Variants in ZNF236 observed in about 807,000 individuals in gnomAD.
ZNF236 encodes zinc finger protein 236.
A neutral mutation model predicts 191.2 loss-of-function variants in ZNF236; 50 were observed. The observed-to-expected ratio is 0.26, with a 90% CI of 0.21 to 0.33. The LOEUF is 0.33. Among genes scored for constraint, ZNF236 ranks in the 10% least tolerant of loss-of-function variants. The pLI is 1.00. For missense variants in ZNF236, 1,754 were observed against 2,374.5 expected, an observed-to-expected ratio of 0.74 and a Z score of 5.43; for synonymous variants, 907 against 928.8, an observed-to-expected ratio of 0.98 and a Z score of 0.43.
chr18:76,942,844 T>C (rs1051650112), intron 26 of ZNF236, among the ~76,000 whole-genome samples: 2 of 146,632 alleles, frequency 1.4e-5, no homozygotes, highest in African/African-American at 5.0e-5. Context: ...CAAATTTGGC[T>C]GGGTGCAGTG....
At position 76,960,880 on chromosome 18, in the gene ZNF236, C is replaced by G. The variant is rs201407505; in HGVS notation, c.5419+25C>G. The G allele has an allele frequency of 3.8e-6, 6 of 1,592,820 alleles. No individual in the cohort carries two copies. In the African/African-American group the frequency reaches 6.7e-5, roughly 18 times the overall value. ...GGTGAGAATGCTGCACCCGGGAGTGCGTGCTGTTCGGTGGCCTGCGAGGCA... is the reference window on the plus strand; with the variant it reads ...GGTGAGAATGCTGCACCCGGGAGTGGGTGCTGTTCGGTGGCCTGCGAGGCA... On this transcript the variant is annotated intron_variant, in intron 30 of 30. Transcript: ENST00000320610. The surrounding 1 kb of genome is among the most constrained non-coding windows in gnomAD (Gnocchi z 4.4).
chr18:76,940,151 A>AATGACTGTCCT (rs1968100977), intron 26 of ZNF236, among the ~76,000 whole-genome samples: 1 of 98,618 alleles, frequency 1.0e-5, no homozygotes, highest in Non-Finnish European at 2.0e-5. Flanking sequence ...TTGGGAACAC[A>AATGACTGTCCT]GTGGGCTACC....
chr18:76,919,694 AC>A lies in ZNF236; in HGVS notation c.3275-80del. 1 of 1,475,020 alleles carries A rather than the reference AC, an allele frequency of 6.8e-7. No homozygotes were observed. The highest frequency in any genetic ancestry group is 9.3e-7 in the Non-Finnish European group (1 of 1,073,596). 91.4% of individuals were successfully genotyped at this position (1,475,020 alleles called of 1,614,324 possible). ...AGTTATTAATTTTCATTACATACAT[AC>A]CTATTTAGTTTTAATTGTTTTGCTA... On this transcript the variant is annotated intron_variant, in intron 19 of 30. Coordinates refer to ENST00000320610, the MANE Select transcript of ZNF236 (RefSeq NM_001306089.2). The surrounding 1 kb of genome is among the most constrained non-coding windows in gnomAD (Gnocchi z 5.3).
rs1967642589 is a variant in ZNF236, at chr18:76,925,275, G to A, written c.3748G>A (p.Ala1250Thr). Reference sequence around the variant, plus strand: ...GGTCCACATGCGCCTGCACACGGGAGCCAAGCCCTTCAAATGCCCGCATTG... The same window carrying A: ...GGTCCACATGCGCCTGCACACGGGAACCAAGCCCTTCAAATGCCCGCATTG... ...LKVHMRLHTG[A>T]KPFKCPHCEL... The change falls in exon 22 of 31, where the codon GCC becomes ACC. Residue 1250 changes from alanine (A) to threonine (T), a missense_variant. This residue lies in a region of ZNF236 where 45 missense variants were observed against 137.4 expected (regional missense o/e 0.33). Coordinates refer to ENST00000320610, the MANE Select transcript of ZNF236 (RefSeq NM_001306089.2). The surrounding 1 kb of genome is among the most constrained non-coding windows in gnomAD (Gnocchi z 5.7). 6.2e-7 allele frequency: 1 copy of A among 1,614,086 alleles called. No homozygotes were observed. Among genetic ancestry groups the A allele is most frequent in the African/African-American group, 1.3e-5 (1 of 74,924 alleles).
intron 28 of ZNF236, among the ~76,000 whole-genome samples, chr18:76,958,579 C>T (rs112370109): frequency 0.012 from 1,846 of 152,324 alleles, 25 homozygotes; most frequent in African/African-American, 0.042. Context: ...GCTCCATCCT[C>T]AGGAAGCTTA....
chr18:76,893,022 G>A (rs1043116191), intron 9 of ZNF236, among the ~76,000 whole-genome samples: 9 of 152,184 alleles, frequency 5.9e-5, no homozygotes, highest in African/African-American at 2.2e-4. Context: ...AACATATGCA[G>A]GCCAGATTTG....
chr18:76,891,282 C>T lies in ZNF236; in HGVS notation c.1418-3731C>T, dbSNP rs75713742. 2.8e-3 allele frequency among the ~76,000 whole-genome samples: 431 copies of T among 152,264 alleles called. 2 individuals carry two copies. The highest frequency in any genetic ancestry group is 9.8e-3 in the African/African-American group (409 of 41,562). Reference sequence around the variant, plus strand: ...TATTTATATGTATAGCTAAGTTTGTCAATGTTTAATGACTTTAGGCTTGGG... The same window carrying T: ...TATTTATATGTATAGCTAAGTTTGTTAATGTTTAATGACTTTAGGCTTGGG... On this transcript the variant is annotated intron_variant, in intron 9 of 30. Coordinates refer to ENST00000320610, the MANE Select transcript of ZNF236 (RefSeq NM_001306089.2).
At chr18:76,892,816 C>T (rs1388227281) in intron 9 of ZNF236, among the ~76,000 whole-genome samples, 1 of 152,256 alleles carries the variant, frequency 6.6e-6, no homozygotes, top group African/African-American at 2.4e-5. Context: ...ATCCGCCCGC[C>T]TCGGCCTCCC....
chr18:76,836,801 T>G (rs1274682165), intron 1 of ZNF236, among the ~76,000 whole-genome samples: 1 of 151,772 alleles, frequency 6.6e-6, no homozygotes, highest in Non-Finnish European at 1.5e-5. Flanking sequence ...ATAGTCTCGA[T>G]CTCCTGACCT....
intron 3 of ZNF236, 68 bp from the exon 4 acceptor site, chr18:76,868,617 C>T (rs1976489583): frequency 7.5e-7 from 1 of 1,332,310 alleles, no homozygotes; most frequent in Admixed American, 2.5e-5. Flanking sequence ...AACCGTTGAT[C>T]ATACCAGTTC....
rs147331259 is a variant in ZNF236 at position 76,901,756 on chromosome 18, C to T, written c.1894+2534C>T. ...CTGGGGAACAACAGTGAAACTCTGT[C>T]TCAAAAAAAAAAAAGTCTGATAATT... On this transcript the variant is annotated intron_variant, in intron 11 of 30. Transcript: ENST00000320610. 1.6e-4 allele frequency among the ~76,000 whole-genome samples: 24 copies of T among 150,288 alleles called. No individual in the cohort carries two copies. In the Middle Eastern group the frequency reaches 0.01, roughly 64 times the overall value.
At chr18:76,823,552 C>T (rs1974928257) in intron 1 of ZNF236, among the ~76,000 whole-genome samples, 1 of 152,184 alleles carries the variant, frequency 6.6e-6, no homozygotes, top group Non-Finnish European at 1.5e-5. Flanking sequence ...ACACAGTAGG[C>T]GTCAGGAAGT....
rs758946871 is a variant in ZNF236 at position 76,968,539 on chromosome 18, C to G, written c.*200C>G. ...AGGAAAAGTGTCACCGCATTGTTCT[C>G]TTTTGTCTACAAATCACTGAACTCA... On this transcript the variant is annotated 3_prime_UTR_variant, in exon 31 of 31. Transcript: ENST00000320610. The G allele has an allele frequency of 6.0e-5, 81 of 1,347,534 alleles. No individual in the cohort carries two copies. The highest frequency in any genetic ancestry group is 7.5e-5 in the Admixed American group (2 of 26,544). The allele number at this position is 1,347,534 out of a possible 1,614,324, so 83.5% of individuals were successfully genotyped here.
chr18:76,824,549 G>C (rs1974962817), intron 1 of ZNF236: 4 of 730,636 alleles, frequency 5.5e-6, no homozygotes, highest in African/African-American at 1.7e-5. Flanking sequence ...TAATTGTTTT[G>C]TTAGTATGCC....
At chr18:76,883,048 T>C (rs1298080575) in intron 9 of ZNF236, among the ~76,000 whole-genome samples, 1 of 152,178 alleles carries the variant, frequency 6.6e-6, no homozygotes, top group Non-Finnish European at 1.5e-5. Flanking sequence ...AGAGTACACA[T>C]AGCCATGGTC....
At chr18:76,862,608 C>G (rs1976274645) in intron 3 of ZNF236, among the ~76,000 whole-genome samples, 2 of 152,282 alleles carry the variant, frequency 1.3e-5, no homozygotes, top group Admixed American at 1.3e-4. Context: ...TTCTGATTCT[C>G]CCTCCAGAGT....
At chr18:76,852,925 G>C (rs1724677784) in intron 3 of ZNF236, among the ~76,000 whole-genome samples, 1 of 152,126 alleles carries the variant, frequency 6.6e-6, no homozygotes, top group Non-Finnish European at 1.5e-5. Flanking sequence ...GTGATGTTAG[G>C]CAGAGGCAAT....
intron 3 of ZNF236, among the ~76,000 whole-genome samples, chr18:76,867,731 C>T (rs1436412413): frequency 6.6e-6 from 1 of 152,186 alleles, no homozygotes; most frequent in East Asian, 1.9e-4. Context: ...ATTGAGTTCT[C>T]ACTCTAGGCC....
At chr18:76,886,704 T>A in intron 9 of ZNF236, 1 of 155,102 alleles carries the variant, frequency 6.4e-6, no homozygotes. Flanking sequence ...CAAACATGGC[T>A]TCATCGTTAC....
Sources: gnomAD v4.1 joint callset for allele counts (sites outside exome capture counted in the v4.1 genomes callset) on GRCh38, gnomAD v4.1.1 for gene constraint, gnomAD v4.1.1 regional missense constraint, Gnocchi (gnomAD v3.1) non-coding constraint, MANE v1.5 for transcripts, NCBI Gene and HGNC (gene_info 2026-07-23, HGNC 2026-07-21) for gene names.